CHRM5: variants seen among roughly 807,000 people sequenced by gnomAD.
CHRM5 encodes the protein cholinergic receptor muscarinic 5.
Under a neutral mutation model 39.0 loss-of-function variants are expected in CHRM5, and 18 were observed. That is an observed-to-expected ratio of 0.46 (90% CI 0.32 to 0.68). The LOEUF (loss-of-function observed/expected upper bound fraction) is 0.68. Among genes scored for constraint, CHRM5 ranks in the 30% least tolerant of loss-of-function variants. The probability of loss-of-function intolerance (pLI) is 0.04; values close to 1 mark genes in which losing one functional copy is unlikely to be tolerated. For synonymous variants in CHRM5, 241 were observed against 246.3 expected (o/e 0.98, Z 0.20); for missense variants, 515 against 651.1 (o/e 0.79, Z 2.28).
intron 1 of CHRM5, among the ~76,000 whole-genome samples, chr15:34,008,736 C>A (rs972900008): frequency 2.0e-5 from 3 of 152,060 alleles, no homozygotes; most frequent in Admixed American, 2.0e-4. Context: ...GATCTGCCCG[C>A]TTCAGCCTCC....
intron 1 of CHRM5, among the ~76,000 whole-genome samples, chr15:34,010,576 A>G (rs1007691215): frequency 3.8e-5 from 1 of 26,510 alleles, no homozygotes; most frequent in Non-Finnish European, 4.5e-4. Context: ...AGGAGTTCAA[A>G]AACATTCACA....
chr15:34,010,977 G>A (rs951961358), intron 1 of CHRM5, among the ~76,000 whole-genome samples: 2 of 151,994 alleles, frequency 1.3e-5, no homozygotes, highest in Non-Finnish European at 2.9e-5. Flanking sequence ...TTTAACAATA[G>A]AAAAACTCAT....
chr15:34,064,105 T>C lies in CHRM5; in HGVS notation c.1388T>C (p.Leu463Pro). ...ITWTPYNIMV[L>P]VSTFCDKCVP... ...TGGACCCCGTATAACATCATGGTCC[T>C]GGTTTCTACCTTCTGTGACAAGTGT... Residue 463 changes from leucine to proline, a missense_variant, in exon 3 of 3, where the codon CTG becomes CCG. By Grantham distance (98) the Leu-to-Pro change is moderately conservative. Coordinates refer to ENST00000383263, the MANE Select transcript of CHRM5 (RefSeq NM_012125.4). 1 of 1,614,226 alleles carries C rather than the reference T, an allele frequency of 6.2e-7. No individual in the cohort carries two copies. The highest frequency in any genetic ancestry group is 8.5e-7 in the Non-Finnish European group (1 of 1,180,040).
intron 1 of CHRM5, among the ~76,000 whole-genome samples, chr15:34,013,857 G>C (rs899596980): frequency 1.3e-5 from 2 of 152,156 alleles, no homozygotes; most frequent in African/African-American, 2.4e-5. Context: ...GCGAGAAACA[G>C]TTCTGCTCTA....
At chr15:34,020,637 T>A (rs1413036636) in intron 1 of CHRM5, among the ~76,000 whole-genome samples, 1 of 152,250 alleles carries the variant, frequency 6.6e-6, no homozygotes, top group Non-Finnish European at 1.5e-5. Flanking sequence ...GATGGGCAGC[T>A]GTAACTTCAT....
intron 1 of CHRM5, chr15:34,038,777 T>TA (rs1342103513): frequency 8.6e-7 from 1 of 1,169,578 alleles, no homozygotes; most frequent in African/African-American, 1.6e-5. Context: ...CGTCGCCTCT[T>TA]ACCGGCGCGC....
chr15:34,018,540 C>CTT (rs1032877843), intron 1 of CHRM5: 13 of 152,650 alleles, frequency 8.5e-5, no homozygotes, highest in African/African-American at 3.1e-4. Flanking sequence ...GTCTCGCTGA[C>CTT]TTCAGGAATG....
chr15:34,063,462 C>G lies in CHRM5; in HGVS notation c.745C>G (p.Leu249Val). 6.2e-7 allele frequency: 1 copy of G among 1,613,894 alleles called. No individual in the cohort carries two copies. The highest frequency in any genetic ancestry group is 1.3e-5 in the African/African-American group (1 of 75,056). Residue 249 changes from leucine (L) to valine (V), a missense_variant, in exon 3 of 3, where the codon CTG becomes GTG. Coordinates refer to ENST00000383263, the MANE Select transcript of CHRM5 (RefSeq NM_012125.4). The surrounding 1 kb of genome is among the most constrained non-coding windows in gnomAD (Gnocchi z 4.1). Reference protein sequence around the residue: ...AEKRKPAHRALFRSCLRCPRP... With the variant: ...AEKRKPAHRAVFRSCLRCPRP... ...GAAGAGAAAGCCAGCTCATAGGGCT[C>G]TGTTCAGATCCTGCTTGCGCTGTCC...
chr15:34,007,758 G>C (rs1369588804), intron 1 of CHRM5, among the ~76,000 whole-genome samples: 1 of 152,146 alleles, frequency 6.6e-6, no homozygotes, highest in Non-Finnish European at 1.5e-5. Context: ...TCTCAGTTCT[G>C]GAGGCTAGAA....
At chr15:34,058,440 A>AAACTAAG (rs1020896814) in intron 2 of CHRM5, among the ~76,000 whole-genome samples, 1 of 152,094 alleles carries the variant, frequency 6.6e-6, no homozygotes, top group African/African-American at 2.4e-5. Context: ...CAACAAACCT[A>AAACTAAG]AACTAAGTTG....
chr15:34,022,734 AT>A (rs1035224579), intron 1 of CHRM5, among the ~76,000 whole-genome samples: 6 of 152,198 alleles, frequency 3.9e-5, no homozygotes, highest in African/African-American at 1.2e-4. Context: ...GCCCACTGTG[AT>A]TAAAAAAGGA....
chr15:33,969,231 T>C (rs1200890483), intron 1 of CHRM5, 81 bp downstream of exon 1: 1 of 152,058 alleles, frequency 6.6e-6, no homozygotes, highest in East Asian at 1.9e-4. Context: ...AGATAGTGGA[T>C]TTGAATTTCT....
At position 34,064,004 on chromosome 15, in the gene CHRM5, A is replaced by G. The variant is rs766375365; in HGVS notation, c.1287A>G (p.Arg429=). 6.2e-7 allele frequency: 1 copy of G among 1,614,164 alleles called. No homozygotes were observed. Among genetic ancestry groups the G allele is most frequent in the East Asian group, 2.2e-5 (1 of 44,878 alleles). The change falls in exon 3 of 3, where the codon CGA becomes CGG. Residue 429 remains arginine, a synonymous_variant. Transcript: ENST00000383263. ...ACCCCAGCCATCAAATGACCAAACGAAAGAGAGTGGTCCTAGTCAAAGAGA... is the reference window on the plus strand; with the variant it reads ...ACCCCAGCCATCAAATGACCAAACGGAAGAGAGTGGTCCTAGTCAAAGAGA... The part of the protein sequence containing the change: ...NPNPSHQMTK[R]KRVVLVKERK...
intron 1 of CHRM5, among the ~76,000 whole-genome samples, chr15:33,992,246 T>G (rs757026576): frequency 6.6e-6 from 1 of 152,028 alleles, no homozygotes; most frequent in South Asian, 2.1e-4. Flanking sequence ...AACAGTTAGC[T>G]GGGCGTGGTG....
chr15:33,980,852 C>T (rs1458484064), intron 1 of CHRM5, among the ~76,000 whole-genome samples: 1 of 152,142 alleles, frequency 6.6e-6, no homozygotes, highest in African/African-American at 2.4e-5. Flanking sequence ...CAATACCATT[C>T]TGACTTCAAA....
At chr15:33,978,534 G>T (rs1222187615) in intron 1 of CHRM5, among the ~76,000 whole-genome samples, 1 of 152,004 alleles carries the variant, frequency 6.6e-6, no homozygotes, top group Non-Finnish European at 1.5e-5. Context: ...ATGGTGGCAG[G>T]CACCTATAAT....
At chr15:34,059,803 G>A (rs553938822) in intron 2 of CHRM5, among the ~76,000 whole-genome samples, 1 of 152,290 alleles carries the variant, frequency 6.6e-6, no homozygotes, top group Non-Finnish European at 1.5e-5. Context: ...TCCACTCAAC[G>A]AGGCTGGAGG....
intron 1 of CHRM5, among the ~76,000 whole-genome samples, chr15:33,977,213 C>G (rs1285262992): frequency 6.6e-6 from 1 of 152,072 alleles, no homozygotes; most frequent in Non-Finnish European, 1.5e-5. Context: ...ACACAAAAAG[C>G]TGGAGTTCTT....
chr15:34,050,067 T>C (rs1899878935), intron 2 of CHRM5, among the ~76,000 whole-genome samples: 2 of 151,878 alleles, frequency 1.3e-5, no homozygotes, highest in Non-Finnish European at 2.9e-5. Flanking sequence ...TTTGTATTTT[T>C]AGTAGAGATG....
Sources: gnomAD v4.1 joint callset for allele counts (sites outside exome capture counted in the v4.1 genomes callset) on GRCh38, gnomAD v4.1.1 for gene constraint, Gnocchi (gnomAD v3.1) non-coding constraint, MANE v1.5 for transcripts, NCBI Gene and HGNC (gene_info 2026-07-23, HGNC 2026-07-21) for gene names.